HDAC4: variants seen among roughly 807,000 people sequenced by gnomAD.
The protein encoded by HDAC4 is histone deacetylase A.
HDAC4 carries 16 observed loss-of-function variants against 135.1 expected under a neutral mutation model. The ratio of observed to expected loss-of-function variants is 0.12; its 90% CI spans 0.08 to 0.18. HDAC4 has a LOEUF of 0.18. HDAC4 is among the 10% of genes least tolerant of loss of function. The probability of loss-of-function intolerance (pLI) is 1.00; values close to 1 mark genes in which losing one functional copy is unlikely to be tolerated. For synonymous variants in HDAC4, 685 were observed against 653.4 expected (o/e 1.05, Z -0.74); for missense variants, 1,143 against 1,511.8 (o/e 0.76, Z 4.05).
chr2:239,239,419 G>T (rs1340050494), intron 2 of HDAC4, among the ~76,000 whole-genome samples: 1 of 152,208 alleles, frequency 6.6e-6, no homozygotes, highest in Non-Finnish European at 1.5e-5. Flanking sequence ...CAGCAGGTGC[G>T]GCTGAACATG....
rs527802954 is a variant in HDAC4, at chr2:239,064,981, C to T, written c.3003+1741G>A. Among the ~76,000 whole-genome samples the T allele has an allele frequency of 7.9e-5, 12 of 152,338 alleles. No individual in the cohort carries two copies. The South Asian group carries it at 1.9e-3, about 24-fold the overall frequency. On this transcript the variant is annotated intron_variant, in intron 24 of 26. Transcript: ENST00000543185. ...CCTGCACACCAGACCCCGCGAGCGCCGTGCTTAACTACAGGGGTCCGTGGC... is the reference window on the plus strand; with the variant it reads ...CCTGCACACCAGACCCCGCGAGCGCTGTGCTTAACTACAGGGGTCCGTGGC...
intron 2 of HDAC4, chr2:239,298,603 C>G: frequency 1.0e-6 from 1 of 1,001,894 alleles, no homozygotes; most frequent in Non-Finnish European, 1.2e-6. Flanking sequence ...ACAGCACACA[C>G]AGGATCAGCA....
At position 239,306,417 on chromosome 2, in the gene HDAC4, G is replaced by A. The variant is rs1436640275; in HGVS notation, c.22+46261C>T. 5.3e-5 allele frequency among the ~76,000 whole-genome samples: 8 copies of A among 152,142 alleles called. 1 individual carries two copies. In the South Asian group the frequency reaches 1.0e-3, roughly 20 times the overall value. On this transcript the variant is annotated intron_variant, in intron 2 of 26. Coordinates refer to ENST00000543185, the MANE Select transcript of HDAC4 (RefSeq NM_001378414.1). The surrounding 1 kb of genome is among the most constrained non-coding windows in gnomAD (Gnocchi z 4.5). ...GGCCACCTGGCCAGGCCCCATCCAC[G>A]GATGTGTCCCTGCCCAGGTGCCAGC...
intron 7 of HDAC4, among the ~76,000 whole-genome samples, chr2:239,156,397 G>A (rs1243092258): frequency 6.6e-6 from 1 of 152,236 alleles, no homozygotes; most frequent in African/African-American, 2.4e-5. Context: ...AAACTAAACT[G>A]AGTGTGCTTT....
At chr2:239,272,931 CAG>C (rs2050136832) in intron 2 of HDAC4, among the ~76,000 whole-genome samples, 1 of 152,184 alleles carries the variant, frequency 6.6e-6, no homozygotes, top group Admixed American at 6.5e-5. Context: ...GCGACCTGGC[CAG>C]AGAGTTGCCC....
In HDAC4 at chr2:239,349,880, C is replaced by T. The variant is rs975389698; in HGVS notation, c.22+2798G>A. On this transcript the variant is annotated intron_variant, in intron 2 of 26. Transcript: ENST00000543185. The surrounding 1 kb of genome is among the most constrained non-coding windows in gnomAD (Gnocchi z 5.7). The stretch of plus-strand genomic sequence containing the variant: ...GGGCCAAGGGGCAGCCCTGCCCTCA[C>T]CAGTGCGGCCTGTCTTCAGCCTCCA... 1.3e-5 allele frequency among the ~76,000 whole-genome samples: 2 copies of T among 152,206 alleles called. No homozygotes were observed. The highest frequency in any genetic ancestry group is 4.8e-5 in the African/African-American group (2 of 41,458).
intron 2 of HDAC4, among the ~76,000 whole-genome samples, chr2:239,263,865 G>A (rs1024575293): frequency 2.0e-5 from 3 of 152,178 alleles, no homozygotes; most frequent in African/African-American, 7.2e-5. Context: ...TAAGCTGGCT[G>A]CCCAGTGACG....
rs549757226 is a variant in HDAC4 at position 239,313,445 on chromosome 2, C to T, written c.22+39233G>A. On this transcript the variant is annotated intron_variant, in intron 2 of 26. Coordinates refer to ENST00000543185, the MANE Select transcript of HDAC4 (RefSeq NM_001378414.1). The surrounding 1 kb of genome is among the most constrained non-coding windows in gnomAD (Gnocchi z 5.1). ...AGTATCCCCAGGCTGCCCAGGAGCC[C>T]GCTCCTCCAATTGGGGGCTGGCCAT... Among the ~76,000 whole-genome samples, 7 of 152,156 alleles carry T rather than the reference C, an allele frequency of 4.6e-5. No homozygotes were observed. Among genetic ancestry groups the T allele is most frequent in the African/African-American group, 9.6e-5 (4 of 41,520 alleles).
At chr2:239,251,763 C>CATT (rs1391083666) in intron 2 of HDAC4, among the ~76,000 whole-genome samples, 1 of 151,960 alleles carries the variant, frequency 6.6e-6, no homozygotes, top group Non-Finnish European at 1.5e-5. Context: ...ATAATCACAT[C>CATT]ATTATTATTT....
At chr2:239,192,797 TGTTCTTCTAA>T (rs2045087615) in intron 3 of HDAC4, among the ~76,000 whole-genome samples, 1 of 152,208 alleles carries the variant, frequency 6.6e-6, no homozygotes, top group South Asian at 2.1e-4. Context: ...AACACAACTT[TGTTCTTCTAA>T]GTTACACAGT....
At chr2:239,131,750 A>G (rs1289314301) in intron 11 of HDAC4, among the ~76,000 whole-genome samples, 1 of 152,232 alleles carries the variant, frequency 6.6e-6, no homozygotes, top group African/African-American at 2.4e-5. Flanking sequence ...ACCTTCTGTG[A>G]CAATGAGAAC....
chr2:239,391,759 C>A (rs144525320), intron 1 of HDAC4, among the ~76,000 whole-genome samples: 23 of 152,318 alleles, frequency 1.5e-4, no homozygotes, highest in African/African-American at 5.5e-4. Flanking sequence ...ATCCACCAAT[C>A]AGACCCTTCA....
Position 239,111,605 on chromosome 2 carries a change from G to C in HDAC4, c.1899C>G (p.Ser633=). 1 of 1,611,454 alleles carries C rather than the reference G, an allele frequency of 6.2e-7. No individual in the cohort carries two copies. Among genetic ancestry groups the C allele is most frequent in the Middle Eastern group, 1.7e-4 (1 of 6,014 alleles). ...PVSFGGHRPL[S]RAQSSPASAT... is the part of the protein sequence containing the mutation. The stretch of plus-strand genomic sequence containing the variant: ...CAGACGCGGGTGAGGACTGCGCCCG[G>C]GACAGAGGCCTGTGGCCGCCGAAGG... The change falls in exon 14 of 27, where the codon TCC becomes TCG. Residue 633 remains serine, a synonymous_variant. Transcript: ENST00000543185.
intron 1 of HDAC4, among the ~76,000 whole-genome samples, chr2:239,398,534 A>T (rs1408885421): frequency 6.6e-6 from 1 of 152,220 alleles, no homozygotes; most frequent in African/African-American, 2.4e-5. Context: ...CCTCCTGGTA[A>T]ACATCCATAG....
intron 1 of HDAC4, among the ~76,000 whole-genome samples, chr2:239,390,443 A>G (rs944257189): frequency 5.9e-5 from 9 of 152,212 alleles, no homozygotes; most frequent in African/African-American, 2.2e-4. Flanking sequence ...CTGAGGCAAG[A>G]GAACTGCTTA....
chr2:239,169,786 G>A (rs2152986929), intron 5 of HDAC4, among the ~76,000 whole-genome samples: 1 of 152,282 alleles, frequency 6.6e-6, no homozygotes, highest in East Asian at 1.9e-4. Context: ...GGCCTCTGCA[G>A]CCATGTCTGG....
chr2:239,268,224 C>T (rs1489031270), intron 2 of HDAC4, among the ~76,000 whole-genome samples: 2 of 152,228 alleles, frequency 1.3e-5, no homozygotes, highest in African/African-American at 4.8e-5. Flanking sequence ...GGAATGCCAA[C>T]AGCGCTGGCC....
chr2:239,243,155 C>CTTTT (rs1285513656), intron 2 of HDAC4, among the ~76,000 whole-genome samples: 1 of 141,484 alleles, frequency 7.1e-6, no homozygotes, highest in African/African-American at 2.6e-5. Flanking sequence ...ATTAACATTC[C>CTTTT]TTTTTTTTTT....
chr2:239,174,277 T>C (rs1178304499), intron 5 of HDAC4, among the ~76,000 whole-genome samples: 1 of 152,128 alleles, frequency 6.6e-6, no homozygotes, highest in African/African-American at 2.4e-5. Context: ...CATGTACAAC[T>C]GGCCAAGGGT....
Sources: gnomAD v4.1 joint callset for allele counts (sites outside exome capture counted in the v4.1 genomes callset) on GRCh38, gnomAD v4.1.1 for gene constraint, Gnocchi (gnomAD v3.1) non-coding constraint, MANE v1.5 for transcripts, NCBI Gene and HGNC (gene_info 2026-07-23, HGNC 2026-07-21) for gene names.